The following SLC5A10 variants were observed in gnomAD, a reference collection of about 807,000 sequenced individuals.
SLC5A10 encodes sodium/mannose cotransporter SLC5A10.
In SLC5A10, 55 loss-of-function variants were observed where a neutral mutation model predicts 68.9. The ratio of observed to expected loss-of-function variants is 0.80; its 90% CI spans 0.64 to 1.00. SLC5A10 has a LOEUF of 1.00. Ranked by LOEUF, SLC5A10 falls within the 50% of genes least tolerant of loss-of-function variation. The pLI is 0.00. For missense variants in SLC5A10, 732 were observed against 819.3 expected, an observed-to-expected ratio of 0.89 and a Z score of 1.30; for synonymous variants, 344 against 344.8, an observed-to-expected ratio of 1.00 and a Z score of 0.02.
intron 5 of SLC5A10, among the ~76,000 whole-genome samples, chr17:18,963,589 C>T (rs889309880): frequency 2.0e-5 from 3 of 152,246 alleles, no homozygotes; most frequent in South Asian, 4.1e-4. Flanking sequence ...CGCGCCCAGG[C>T]GGTCCCCAGA....
At position 19,015,178 on chromosome 17, in the gene SLC5A10, G is replaced by C. The variant is rs748345540; in HGVS notation, c.1220G>C (p.Arg407Pro). ...WRRLRPRSGERELLLVGRLVI... is the reference protein window; with the variant it reads ...WRRLRPRSGEPELLLVGRLVI... ...CGGCTGCGTCCCCGCTCCGGCGAGC[G>C]GGAGCTCCTGCTGGTGGGACGGTAC... Residue 407 changes from arginine to proline, a missense_variant, in exon 11 of 15, where the codon CGG becomes CCG. Arg to Pro is a moderately radical substitution (Grantham distance 103). Transcript: ENST00000395645. 7 of 1,598,318 alleles carry C rather than the reference G, an allele frequency of 4.4e-6. No individual in the cohort carries two copies. The highest frequency in any genetic ancestry group is 6.0e-6 in the Non-Finnish European group (7 of 1,168,800).
Position 19,003,580 on chromosome 17 carries a change from G to C in SLC5A10, c.983-9830G>C, listed in dbSNP as rs746618872. The stretch of plus-strand genomic sequence containing the variant: ...CTTTGATGTGGGCCTGCCCGTCTAT[G>C]GGGGGCTGCATGTAGACGCTAGCCC... On this transcript the variant is annotated intron_variant, in intron 9 of 14. Transcript: ENST00000395645. The surrounding 1 kb of genome is among the most constrained non-coding windows in gnomAD (Gnocchi z 4.5). The C allele has an allele frequency of 6.3e-7, 1 of 1,597,360 alleles. No individual in the cohort carries two copies. Among genetic ancestry groups the C allele is most frequent in the South Asian group, 1.1e-5 (1 of 88,944 alleles).
In SLC5A10 at chr17:19,017,234, C is replaced by A; in HGVS notation, c.1241+2035C>A. 1 of 1,501,466 alleles carries A rather than the reference C, an allele frequency of 6.7e-7. No individual in the cohort carries two copies. Among genetic ancestry groups the A allele is most frequent in the Non-Finnish European group, 9.1e-7 (1 of 1,102,008 alleles). 93.0% of individuals were successfully genotyped at this position (1,501,466 alleles called of 1,614,324 possible). A position where few individuals can be genotyped will look rare whatever the true frequency, so the allele number is the denominator to read the frequency against. ...GCCAGCTGGATAGAGCAGAAAGGGC[C>A]CCGTGCCAGGTGTCAGGCTGGCCAG... is the stretch of plus-strand genomic sequence containing the variant. On this transcript the variant is annotated intron_variant, in intron 11 of 14. Coordinates refer to ENST00000395645, the MANE Select transcript of SLC5A10 (RefSeq NM_001042450.4). The surrounding 1 kb of genome is among the most constrained non-coding windows in gnomAD (Gnocchi z 5.6).
intron 8 of SLC5A10, 73 bp from the exon 9 acceptor site, chr17:18,976,781 G>A (rs113728377): frequency 6.3e-6 from 10 of 1,575,584 alleles, no homozygotes; most frequent in African/African-American, 5.4e-5. Flanking sequence ...ATTCCCTGAG[G>A]CCCACCAAGG....
rs562087109 is a variant in SLC5A10, at chr17:18,957,755, C to T, written c.112-927C>T. On this transcript the variant is annotated intron_variant, in intron 1 of 14. Coordinates refer to ENST00000395645, the MANE Select transcript of SLC5A10 (RefSeq NM_001042450.4). Reference sequence around the variant, plus strand: ...CTGGGATTACAGGCGTGAGCCACCGCGCCAGCCCATTTTAACCATTTTAAA... The same window carrying T: ...CTGGGATTACAGGCGTGAGCCACCGTGCCAGCCCATTTTAACCATTTTAAA... Among the ~76,000 whole-genome samples, 26 of 152,302 alleles carry T rather than the reference C, an allele frequency of 1.7e-4. 1 individual carries two copies. The South Asian group carries it at 5.0e-3, about 29-fold the overall frequency.
At chr17:19,009,223 T>C (rs946427429) in intron 9 of SLC5A10, among the ~76,000 whole-genome samples, 3 of 151,912 alleles carry the variant, frequency 2.0e-5, no homozygotes, top group African/African-American at 7.3e-5. Context: ...AGGGTCTTGC[T>C]CTGTCACCTC....
intron 8 of SLC5A10, among the ~76,000 whole-genome samples, chr17:18,972,222 G>A (rs887163661): frequency 5.9e-5 from 9 of 152,224 alleles, no homozygotes; most frequent in Non-Finnish European, 8.8e-5. Context: ...GGCAGCTCCA[G>A]GGAGCATGGG....
chr17:19,005,032 CCCCT>C (rs2043844156), intron 9 of SLC5A10, among the ~76,000 whole-genome samples: 2 of 152,228 alleles, frequency 1.3e-5, no homozygotes, highest in Non-Finnish European at 2.9e-5. Flanking sequence ...CCTTGGCACC[CCCCT>C]GTGCCCCCAG....
At position 19,017,208 on chromosome 17, in the gene SLC5A10, T is replaced by A; in HGVS notation, c.1241+2009T>A. The stretch of plus-strand genomic sequence containing the variant: ...CTCTCTGGGCCCCAGTTCTCTCAGC[T>A]GCCAGCTGGATAGAGCAGAAAGGGC... On this transcript the variant is annotated intron_variant, in intron 11 of 14. Coordinates refer to ENST00000395645, the MANE Select transcript of SLC5A10 (RefSeq NM_001042450.4). This position sits in a 1 kb window ranked among gnomAD's most constrained non-coding sequence, Gnocchi z 5.6. 7.4e-7 allele frequency: 1 copy of A among 1,342,736 alleles called. No individual in the cohort carries two copies. Among genetic ancestry groups the A allele is most frequent in the Middle Eastern group, 1.8e-4 (1 of 5,530 alleles). 83.2% of individuals were successfully genotyped at this position (1,342,736 alleles called of 1,614,324 possible).
At chr17:18,952,940 C>A (rs2042402666) in intron 1 of SLC5A10, among the ~76,000 whole-genome samples, 1 of 152,082 alleles carries the variant, frequency 6.6e-6, no homozygotes, top group Non-Finnish European at 1.5e-5. Flanking sequence ...TCTGGCCCTG[C>A]AGCAAGGGAA....
Position 19,019,749 on chromosome 17 carries a change from G to T in SLC5A10, c.1447G>T (p.Gly483Trp). The change falls in exon 13 of 15, where the codon GGG (glycine) becomes TGG (tryptophan). Residue 483 changes from glycine to tryptophan, a missense_variant. By Grantham distance (184) the Gly-to-Trp change is radical. Coordinates refer to ENST00000395645, the MANE Select transcript of SLC5A10 (RefSeq NM_001042450.4). The stretch of plus-strand genomic sequence containing the variant: ...GGGCCTGATAGCAGGGCTGGTGGTG[G>T]GGGCCACGAGGCTGGTCCTGGAATT... Reference protein sequence around the residue: ...FWGLIAGLVVGATRLVLEFLN... With the variant: ...FWGLIAGLVVWATRLVLEFLN... 6.2e-7 allele frequency: 1 copy of T among 1,612,212 alleles called. No individual in the cohort carries two copies. The highest frequency in any genetic ancestry group is 8.5e-7 in the Non-Finnish European group (1 of 1,179,738).
intron 1 of SLC5A10, among the ~76,000 whole-genome samples, chr17:18,954,981 G>A (rs372212974): frequency 6.6e-6 from 1 of 151,496 alleles, no homozygotes; most frequent in East Asian, 1.9e-4. Context: ...AGCTACTCAG[G>A]AGGCTGAGGC....
Position 18,962,205 on chromosome 17 carries a change from A to G in SLC5A10, c.453+1553A>G, listed in dbSNP as rs140885661. 4.1e-3 allele frequency among the ~76,000 whole-genome samples: 628 copies of G among 152,332 alleles called. 7 individuals are homozygous for G. Among genetic ancestry groups the G allele is most frequent in the Middle Eastern group, 0.031 (9 of 294 alleles). ...AGGGGCTCGCACTGTGGTGAGAAAT[A>G]GATGGATGCATGGGACAGGCATGAA... On this transcript the variant is annotated intron_variant, in intron 5 of 14. Transcript: ENST00000395645.
At chr17:19,013,095 G>A (rs1279326229) in intron 9 of SLC5A10, among the ~76,000 whole-genome samples, 1 of 152,234 alleles carries the variant, frequency 6.6e-6, no homozygotes, top group East Asian at 1.9e-4. Flanking sequence ...GACGAGGGGG[G>A]CAAGGGAGGC....
intron 9 of SLC5A10, among the ~76,000 whole-genome samples, chr17:18,987,125 C>T (rs578045100): frequency 1.3e-4 from 20 of 152,326 alleles, no homozygotes; most frequent in Non-Finnish European, 2.5e-4. Flanking sequence ...GCGTGGAGCC[C>T]GGCCCCTTGT....
rs570509089 is a variant in SLC5A10 at position 18,969,286 on chromosome 17, G to A, written c.560-56G>A. Reference sequence around the variant, plus strand: ...GCAGGAGCCCCAGAAGTTCCTCCCCGTGTCCCTCCTCCCTGGGGCCAGGGC... The same window carrying A: ...GCAGGAGCCCCAGAAGTTCCTCCCCATGTCCCTCCTCCCTGGGGCCAGGGC... On this transcript the variant is annotated intron_variant, in intron 6 of 14. Coordinates refer to ENST00000395645, the MANE Select transcript of SLC5A10 (RefSeq NM_001042450.4). 325 of 1,591,696 alleles carry A rather than the reference G, an allele frequency of 2.0e-4. 3 individuals are homozygous for A. The Middle Eastern group carries it at 2.8e-3, about 14-fold the overall frequency.
At chr17:18,978,379 G>A in intron 9 of SLC5A10, 1 of 1,593,150 alleles carries the variant, frequency 6.3e-7, no homozygotes, top group Non-Finnish European at 8.5e-7. Flanking sequence ...CGATGATATT[G>A]ATGTAGCCCA....
rs779496696 is a variant in SLC5A10 at position 18,977,806 on chromosome 17, G to C, written c.982+817G>C. ...GAGGGACTGAGTGCTCTCTCACCTCGAAGTACTCCTCTGACACAGAGGAAG... is the reference window on the plus strand; with the variant it reads ...GAGGGACTGAGTGCTCTCTCACCTCCAAGTACTCCTCTGACACAGAGGAAG... On this transcript the variant is annotated intron_variant, in intron 9 of 14. Transcript: ENST00000395645. 22 of 1,604,818 alleles carry C rather than the reference G, an allele frequency of 1.4e-5. 1 individual carries two copies. Among genetic ancestry groups the C allele is most frequent in the South Asian group, 1.0e-4 (9 of 90,174 alleles).
Position 19,003,952 on chromosome 17 carries a change from C to T in SLC5A10, c.983-9458C>T, listed in dbSNP as rs532169159. ...CCAGGGCCTCCAGCGCCAGCCGCTG[C>T]TCCTCGCTGTAGAAGAACTCAGGCT... On this transcript the variant is annotated intron_variant, in intron 9 of 14. Transcript: ENST00000395645. This position sits in a 1 kb window ranked among gnomAD's most constrained non-coding sequence, Gnocchi z 4.5. The T allele has an allele frequency of 6.2e-6, 10 of 1,612,962 alleles. No homozygotes were observed. The South Asian group carries it at 1.1e-4, about 18-fold the overall frequency.
Sources: gnomAD v4.1 joint callset for allele counts (sites outside exome capture counted in the v4.1 genomes callset) on GRCh38, gnomAD v4.1.1 for gene constraint, Gnocchi (gnomAD v3.1) non-coding constraint, MANE v1.5 for transcripts, NCBI Gene and HGNC (gene_info 2026-07-23, HGNC 2026-07-21) for gene names.